Variants in ARHGAP19 observed in about 807,000 individuals in gnomAD.
The protein encoded by ARHGAP19 is rho GTPase-activating protein 19.
Under a neutral mutation model 60.9 loss-of-function variants are expected in ARHGAP19, and 48 were observed. The ratio of observed to expected loss-of-function variants is 0.79; its 90% CI spans 0.62 to 1.00. ARHGAP19 has a LOEUF of 1.00. ARHGAP19 is among the 50% of genes least tolerant of loss of function. ARHGAP19 has a pLI of 0.00. For synonymous variants in ARHGAP19, 209 were observed against 215.5 expected (o/e 0.97, Z 0.27); for missense variants, 562 against 597.2 (o/e 0.94, Z 0.61).
chr10:97,272,131 C>CTTTTTTTTTTTTTTTTTTTTTTTTTTTTT (rs35980234), intron 1 of ARHGAP19, among the ~76,000 whole-genome samples: 6 of 85,648 alleles, frequency 7.0e-5, no homozygotes, highest in African/African-American at 9.9e-5. Flanking sequence ...GGAAATATGT[C>CTTTTTTTTTTTTTTTTTTTTTTTTTTTTT]TTTTTTTTTT....
chr10:97,260,878 G>C (rs982832470), intron 4 of ARHGAP19, among the ~76,000 whole-genome samples: 1 of 147,716 alleles, frequency 6.8e-6, no homozygotes, highest in African/African-American at 2.5e-5. Flanking sequence ...CAGATCACTT[G>C]AGCCCAGGAG....
At chr10:97,227,209 G>T (rs916955865) in intron 11 of ARHGAP19, among the ~76,000 whole-genome samples, 1 of 152,154 alleles carries the variant, frequency 6.6e-6, no homozygotes, top group African/African-American at 2.4e-5. Context: ...CAAAGAATAT[G>T]TTACTTTTAT....
At chr10:97,248,449 A>G (rs1043940168) in intron 6 of ARHGAP19, among the ~76,000 whole-genome samples, 3 of 152,138 alleles carry the variant, frequency 2.0e-5, no homozygotes, top group African/African-American at 7.2e-5. Flanking sequence ...GTAATATAAG[A>G]AAAAAAGAAA....
chr10:97,256,743 C>G (rs1028501551), intron 5 of ARHGAP19, among the ~76,000 whole-genome samples: 1 of 152,198 alleles, frequency 6.6e-6, no homozygotes, highest in Non-Finnish European at 1.5e-5. Context: ...AAGGACACCA[C>G]TGCCTCTTTA....
chr10:97,239,552 GTGTGTGTGTGTGTGTGT>G (rs1842441417), intron 8 of ARHGAP19, among the ~76,000 whole-genome samples: 6 of 9,902 alleles, frequency 6.1e-4, no homozygotes, highest in Admixed American at 1.9e-3. Context: ...GAGAGAGAGG[GTGTGTGTGTGTGTGTGT>G]GTGTGTGTGT....
At chr10:97,234,642 A>G (rs747911493) in intron 9 of ARHGAP19, among the ~76,000 whole-genome samples, 1 of 152,180 alleles carries the variant, frequency 6.6e-6, no homozygotes, top group Non-Finnish European at 1.5e-5. Flanking sequence ...TTGAAGACTT[A>G]TAAATTTAAT....
At chr10:97,283,185 C>A (rs960287763) in intron 1 of ARHGAP19, among the ~76,000 whole-genome samples, 2 of 152,060 alleles carry the variant, frequency 1.3e-5, no homozygotes, top group African/African-American at 2.4e-5. Flanking sequence ...TAGTTTATAT[C>A]GGGTAACAGT....
Position 97,288,171 on chromosome 10 carries a change from A to C in ARHGAP19, c.56+4401T>G, listed in dbSNP as rs560749289. On this transcript the variant is annotated intron_variant, in intron 1 of 11. Transcript: ENST00000358531. ...AAAAACAAAAAGCTGGGCAGTTCTA[A>C]ATGATCACATATTCTGCATTCAATA... Among the ~76,000 whole-genome samples the C allele has an allele frequency of 2.0e-5, 3 of 152,322 alleles. No individual in the cohort carries two copies. In the South Asian group the frequency reaches 6.2e-4, roughly 32 times the overall value.
At chr10:97,252,645 A>T (rs1034576961) in intron 6 of ARHGAP19, among the ~76,000 whole-genome samples, 2 of 152,096 alleles carry the variant, frequency 1.3e-5, no homozygotes, top group Non-Finnish European at 2.9e-5. Context: ...AAATAAAAAT[A>T]AAAAATAACA....
At chr10:97,270,031 CTAAACAGCACAAACAGGTAGAAGAA>C (rs752079839) in intron 1 of ARHGAP19, among the ~76,000 whole-genome samples, 16 of 152,090 alleles carry the variant, frequency 1.1e-4, no homozygotes, top group Non-Finnish European at 1.8e-4. Context: ...CTACTCCCTC[CTAAACAGCACAAACAGGTAGAAGAA>C]TAAACAGGTT....
Position 97,236,803 on chromosome 10 carries a change from G to GAA in ARHGAP19, c.1186-1490_1186-1489dup, listed in dbSNP as rs71007323. On this transcript the variant is annotated intron_variant, in intron 8 of 11. Transcript: ENST00000358531. ...CACTCCAGCCTGGGCAACAGACTCA[G>GAA]AAAAAAAAAAAAAAAAAAAAAATAC... Among the ~76,000 whole-genome samples, 597 of 79,988 alleles carry GAA rather than the reference G, an allele frequency of 7.5e-3. 16 individuals carry two copies. Among genetic ancestry groups the GAA allele is most frequent in the Admixed American group, 0.011 (68 of 6,180 alleles). The allele number at this position is 79,988 out of a possible 152,430, so 52.5% of individuals were successfully genotyped here.
At chr10:97,270,643 C>T (rs1347133244) in intron 1 of ARHGAP19, 6 of 1,548,424 alleles carry the variant, frequency 3.9e-6, no homozygotes, top group South Asian at 3.6e-5. Context: ...ATTGGTAAAT[C>T]GAAGAGACAG....
rs114996137 is a variant in ARHGAP19, at chr10:97,243,928, A to G, written c.1185+40T>C. On this transcript the variant is annotated intron_variant, in intron 8 of 11. Transcript: ENST00000358531. ...CTACTGATTCTACAACCACGATTACACTCCTAAAGCCCCATCACAACTTCC... is the reference window on the plus strand; with the variant it reads ...CTACTGATTCTACAACCACGATTACGCTCCTAAAGCCCCATCACAACTTCC... 1,628 of 1,503,194 alleles carry G rather than the reference A, an allele frequency of 1.1e-3. 19 individuals carry two copies. The African/African-American group carries it at 0.021, about 19-fold the overall frequency. 93.1% of individuals were successfully genotyped at this position (1,503,194 alleles called of 1,614,324 possible).
chr10:97,227,235 C>A (rs902858217), intron 11 of ARHGAP19, among the ~76,000 whole-genome samples: 4 of 152,138 alleles, frequency 2.6e-5, no homozygotes, highest in African/African-American at 9.7e-5. Context: ...ACATCACTAT[C>A]AAAAAATCTG....
intron 6 of ARHGAP19, 101 bp downstream of exon 6, chr10:97,256,217 G>T: frequency 1.1e-6 from 1 of 949,530 alleles, no homozygotes; most frequent in South Asian, 1.4e-5. Flanking sequence ...ATCCCATTCA[G>T]GACCTTTTTC....
At chr10:97,245,211 T>C (rs151325884) in intron 7 of ARHGAP19, among the ~76,000 whole-genome samples, 1 of 152,170 alleles carries the variant, frequency 6.6e-6, no homozygotes, top group Non-Finnish European at 1.5e-5. Context: ...TTGGCCATGT[T>C]GCCCAAGCTG....
chr10:97,286,671 C>A (rs544952982), intron 1 of ARHGAP19, among the ~76,000 whole-genome samples: 2 of 152,338 alleles, frequency 1.3e-5, no homozygotes, highest in Admixed American at 6.5e-5. Context: ...AGACATAGAA[C>A]CCTTTCCACA....
intron 1 of ARHGAP19, among the ~76,000 whole-genome samples, chr10:97,278,617 AAAT>A (rs1335884180): frequency 1.3e-5 from 2 of 152,224 alleles, no homozygotes; most frequent in Admixed American, 1.3e-4. Context: ...AATACTAAAA[AAAT>A]AATAATTTGT....
rs139125337 is a variant in ARHGAP19, at chr10:97,233,105, C to T, written c.1284+2112G>A. Among the ~76,000 whole-genome samples, 1,281 of 151,788 alleles carry T rather than the reference C, an allele frequency of 8.4e-3. 5 individuals are homozygous for T. Among genetic ancestry groups the T allele is most frequent in the Non-Finnish European group, 9.9e-3 (673 of 67,928 alleles). ...TGGAGGTTGCAGTGAGCTGAGATCACGCCACTGCACTCCAGCCTGAGGCAT... is the reference window on the plus strand; with the variant it reads ...TGGAGGTTGCAGTGAGCTGAGATCATGCCACTGCACTCCAGCCTGAGGCAT... On this transcript the variant is annotated intron_variant, in intron 9 of 11. Transcript: ENST00000358531.
Sources: allele counts gnomAD v4.1 joint callset (sites outside exome capture counted in the v4.1 genomes callset), GRCh38; gene constraint gnomAD v4.1.1; transcripts MANE v1.5; gene names NCBI Gene and HGNC (gene_info 2026-07-23, HGNC 2026-07-21).